The following STK3 variants were observed in gnomAD, a reference collection of about 807,000 sequenced individuals.
The protein encoded by STK3 is serine/threonine kinase 3.
Under a neutral mutation model 58.0 loss-of-function variants are expected in STK3, and 41 were observed. The ratio of observed to expected loss-of-function variants is 0.71; its 90% confidence interval spans 0.55 to 0.92. STK3 has a LOEUF of 0.92. Ranked by LOEUF, STK3 falls within the 40% of genes least tolerant of loss-of-function variation. The pLI is 0.00. For missense variants in STK3, 479 were observed against 602.7 expected (o/e 0.79, Z 2.15); for synonymous variants, 170 against 191.0 (o/e 0.89, Z 0.91).
intron 1 of STK3, among the ~76,000 whole-genome samples, chr8:98,907,323 C>G (rs1471606354): frequency 6.6e-6 from 1 of 151,982 alleles, no homozygotes; most frequent in Non-Finnish European, 1.5e-5. Flanking sequence ...ACCATCCTAG[C>G]TAACATGGTG....
intron 3 of STK3, among the ~76,000 whole-genome samples, chr8:98,425,432 AC>A (rs1818219643): frequency 6.6e-6 from 1 of 152,130 alleles, no homozygotes; most frequent in South Asian, 2.1e-4. Context: ...TCTTTTAGGG[AC>A]CTGAAGAAAA....
intron 9 of STK3, among the ~76,000 whole-genome samples, chr8:98,529,682 T>C (rs1374367309): frequency 6.6e-6 from 1 of 152,168 alleles, no homozygotes; most frequent in Non-Finnish European, 1.5e-5. Flanking sequence ...CAAGTGCCCA[T>C]TAGCAAAATG....
At chr8:98,663,262 A>G (rs1016705742) in intron 6 of STK3, among the ~76,000 whole-genome samples, 1 of 152,258 alleles carries the variant, frequency 6.6e-6, no homozygotes, top group African/African-American at 2.4e-5. Flanking sequence ...CAAAAGACAC[A>G]TGAAAAAATG....
chr8:98,868,306 A>G (rs1837221461), intron 3 of STK3, among the ~76,000 whole-genome samples: 1 of 152,236 alleles, frequency 6.6e-6, no homozygotes, highest in South Asian at 2.1e-4. Context: ...TGAGTTTTGT[A>G]ATCCAAATCC....
intron 1 of STK3, among the ~76,000 whole-genome samples, chr8:98,938,310 G>A (rs1840269341): frequency 6.6e-6 from 1 of 152,178 alleles, no homozygotes; most frequent in Admixed American, 6.5e-5. Flanking sequence ...CTCTTTGGCC[G>A]AGGAGAGAAG....
At chr8:98,466,955 T>TC (rs1415677004) in intron 10 of STK3, among the ~76,000 whole-genome samples, 1 of 152,116 alleles carries the variant, frequency 6.6e-6, no homozygotes, top group Non-Finnish European at 1.5e-5. Flanking sequence ...CCCTTAGTTA[T>TC]CCCGCAGGCC....
intron 6 of STK3, among the ~76,000 whole-genome samples, chr8:98,608,453 C>G (rs1006968696): frequency 6.6e-6 from 1 of 152,146 alleles, no homozygotes; most frequent in African/African-American, 2.4e-5. Flanking sequence ...TGCATGTTCA[C>G]CAGCAACAGT....
At chr8:98,914,625 T>C (rs887546004) in intron 1 of STK3, among the ~76,000 whole-genome samples, 1 of 152,188 alleles carries the variant, frequency 6.6e-6, no homozygotes, top group Non-Finnish European at 1.5e-5. Flanking sequence ...TACTGGATTG[T>C]TTTCTGTCCT....
chr8:98,849,084 G>A (rs573376483), intron 3 of STK3, among the ~76,000 whole-genome samples: 1 of 152,026 alleles, frequency 6.6e-6, no homozygotes, highest in Admixed American at 6.5e-5. Context: ...AAATTAGCTG[G>A]GCGTGGTGGC....
chr8:98,528,843 A>C (rs1237140358), intron 9 of STK3, among the ~76,000 whole-genome samples: 2 of 152,206 alleles, frequency 1.3e-5, no homozygotes, highest in African/African-American at 4.8e-5. Context: ...GTTCCAAATA[A>C]ATTACTCTTT....
intron 3 of STK3, among the ~76,000 whole-genome samples, chr8:98,403,512 A>T (rs944240394): frequency 2.0e-5 from 3 of 152,210 alleles, no homozygotes; most frequent in Admixed American, 2.0e-4. Flanking sequence ...TCTTAGAGGC[A>T]GTGGAAAATA....
intron 4 of STK3, among the ~76,000 whole-genome samples, chr8:98,740,711 A>G (rs1034450638): frequency 6.6e-6 from 1 of 152,236 alleles, no homozygotes; most frequent in Non-Finnish European, 1.5e-5. Context: ...ACCAGCTAAC[A>G]TCATAATGAC....
intron 3 of STK3, among the ~76,000 whole-genome samples, chr8:98,859,982 G>A (rs1408698045): frequency 6.6e-6 from 1 of 152,214 alleles, no homozygotes; most frequent in Non-Finnish European, 1.5e-5. Context: ...TAATTATGCT[G>A]AGAGGTGTGG....
At chr8:98,858,360 A>AGAGAGAGAGAGAGAGG (rs57732570) in intron 3 of STK3, among the ~76,000 whole-genome samples, 1 of 135,496 alleles carries the variant, frequency 7.4e-6, no homozygotes, top group African/African-American at 2.7e-5. Context: ...AGAGAGAGAG[A>AGAGAGAGAGAGAGAGG]CAGAGAGAGA....
chr8:98,768,732 C>A (rs960678157), intron 2 of STK3, among the ~76,000 whole-genome samples: 1 of 152,226 alleles, frequency 6.6e-6, no homozygotes, highest in African/African-American at 2.4e-5. Flanking sequence ...CCCAGAATCC[C>A]CTTCCCTGAA....
chr8:98,576,783 A>T (rs772867467), intron 8 of STK3, among the ~76,000 whole-genome samples: 5 of 152,178 alleles, frequency 3.3e-5, no homozygotes, highest in Admixed American at 6.5e-5. Context: ...GCAGATTTAG[A>T]TGGTTGACAG....
chr8:98,416,012 G>A (rs1428831943), intron 3 of STK3, among the ~76,000 whole-genome samples: 1 of 152,184 alleles, frequency 6.6e-6, no homozygotes, highest in Non-Finnish European at 1.5e-5. Context: ...GATCCAGGCT[G>A]CTTTGGCCTT....
chr8:98,493,900 G>C (rs1034299700), intron 10 of STK3, among the ~76,000 whole-genome samples: 2 of 152,142 alleles, frequency 1.3e-5, no homozygotes, highest in African/African-American at 4.8e-5. Context: ...GGACTTATCT[G>C]AGATCTTCCT....
intron 1 of STK3, among the ~76,000 whole-genome samples, chr8:98,818,538 A>ATGTGTGTGTG (rs72513007): frequency 2.1e-5 from 3 of 145,330 alleles, no homozygotes; most frequent in South Asian, 2.2e-4. Context: ...TAAATTATAA[A>ATGTGTGTGTG]TGTGTGTGTG....
Sources: gnomAD v4.1 joint callset for allele counts (sites outside exome capture counted in the v4.1 genomes callset) on GRCh38, gnomAD v4.1.1 for gene constraint, MANE v1.5 for transcripts, NCBI Gene and HGNC (gene_info 2026-07-23, HGNC 2026-07-21) for gene names.